VTA1: variants seen among roughly 807,000 people sequenced by gnomAD.
VTA1 encodes vesicle trafficking 1, also known as vacuolar protein sorting-associated protein VTA1 homolog.
In VTA1, 24 loss-of-function variants were observed where a neutral mutation model predicts 36.9. The ratio of observed to expected loss-of-function variants is 0.65; its 90% CI spans 0.47 to 0.91. The LOEUF (loss-of-function observed/expected upper bound fraction) is 0.91, where lower values mean the gene tolerates loss of function less well. Among genes scored for constraint, VTA1 ranks in the 40% least tolerant of loss-of-function variants. The pLI is 0.00. For synonymous variants in VTA1, 142 were observed against 130.2 expected (o/e 1.09, Z -0.62); for missense variants, 393 against 377.2 (o/e 1.04, Z -0.35).
chr6:142,190,987 A>G (rs1006889127), intron 5 of VTA1, among the ~76,000 whole-genome samples: 2 of 152,148 alleles, frequency 1.3e-5, no homozygotes, highest in African/African-American at 2.4e-5. Context: ...AAGATTGCCT[A>G]TTATTGAACC....
At chr6:142,149,967 C>G (rs950361833) in intron 1 of VTA1, among the ~76,000 whole-genome samples, 1 of 151,826 alleles carries the variant, frequency 6.6e-6, no homozygotes, top group African/African-American at 2.4e-5. Context: ...TTTTTTATCT[C>G]TTTGTCTTTC....
chr6:142,183,146 A>AT (rs896203408), intron 4 of VTA1, among the ~76,000 whole-genome samples: 6 of 152,184 alleles, frequency 3.9e-5, no homozygotes, highest in African/African-American at 1.4e-4. Context: ...AAAAATCACA[A>AT]TTACTTTCAC....
intron 1 of VTA1, among the ~76,000 whole-genome samples, chr6:142,156,240 ATGAAAAATTGT>A (rs1314996722): frequency 6.6e-6 from 1 of 152,188 alleles, no homozygotes; most frequent in Non-Finnish European, 1.5e-5. Context: ...AAACGGTTGA[ATGAAAAATTGT>A]TGGTAGTAGC....
At chr6:142,165,210 T>C (rs1774890101) in intron 1 of VTA1, among the ~76,000 whole-genome samples, 2 of 152,096 alleles carry the variant, frequency 1.3e-5, no homozygotes, top group South Asian at 4.2e-4. Context: ...GGAATGTAAG[T>C]TTAATAAGTT....
intron 4 of VTA1, among the ~76,000 whole-genome samples, chr6:142,176,658 G>A (rs910056667): frequency 3.4e-5 from 5 of 148,142 alleles, no homozygotes; most frequent in Non-Finnish European, 7.4e-5. Flanking sequence ...AAATACAAAT[G>A]CAAGTAATAA....
intron 5 of VTA1, among the ~76,000 whole-genome samples, chr6:142,193,486 T>C (rs1775491641): frequency 6.6e-6 from 1 of 152,168 alleles, no homozygotes; most frequent in Admixed American, 6.5e-5. Context: ...TTTATCATTC[T>C]TTTTATTTTA....
chr6:142,198,695 A>G, intron 6 of VTA1, 80 bp downstream of exon 6: 1 of 1,314,110 alleles, frequency 7.6e-7, no homozygotes, highest in Non-Finnish European at 1.0e-6. Flanking sequence ...TATGTGCCTC[A>G]TAATGATGGT....
chr6:142,196,095 A>G (rs1775547312), intron 5 of VTA1, among the ~76,000 whole-genome samples: 2 of 152,148 alleles, frequency 1.3e-5, no homozygotes. Flanking sequence ...TTATTATATT[A>G]GGCACATGTA....
At chr6:142,209,015 A>G (rs1775849430) in intron 7 of VTA1, among the ~76,000 whole-genome samples, 1 of 152,202 alleles carries the variant, frequency 6.6e-6, no homozygotes, top group Non-Finnish European at 1.5e-5. Context: ...TATAGAGAAT[A>G]GAGCAATTAG....
At chr6:142,165,123 C>T (rs751165681) in intron 1 of VTA1, among the ~76,000 whole-genome samples, 2 of 152,142 alleles carry the variant, frequency 1.3e-5, no homozygotes, top group African/African-American at 4.8e-5. Flanking sequence ...TGGAGCTATT[C>T]AGTAAATATC....
At chr6:142,164,766 T>A (rs1169177579) in intron 1 of VTA1, among the ~76,000 whole-genome samples, 1 of 152,148 alleles carries the variant, frequency 6.6e-6, no homozygotes, top group Non-Finnish European at 1.5e-5. Context: ...TAATATATTA[T>A]AATGAATGAT....
chr6:142,157,171 GATA>G lies in VTA1; in HGVS notation c.113-9046_113-9044del, dbSNP rs571424184. Among the ~76,000 whole-genome samples the G allele has an allele frequency of 5.8e-3, 880 of 152,244 alleles. 1 individual carries two copies. The highest frequency in any genetic ancestry group is 0.016 in the East Asian group (82 of 5,172). On this transcript the variant is annotated intron_variant, in intron 1 of 7. Transcript: ENST00000367630. ...GAGCGAGACTCCGTCTCAAAAAAAT[GATA>G]ATAATAATAACTTGCCTCTTACTAT...
At chr6:142,157,977 A>AT (rs1778695954) in intron 1 of VTA1, among the ~76,000 whole-genome samples, 1 of 145,288 alleles carries the variant, frequency 6.9e-6, no homozygotes, top group African/African-American at 2.5e-5. Flanking sequence ...CTTTCAGGAT[A>AT]TTGCTGTTTT....
At chr6:142,155,606 T>C (rs1171579353) in intron 1 of VTA1, among the ~76,000 whole-genome samples, 1 of 152,176 alleles carries the variant, frequency 6.6e-6, no homozygotes, top group Non-Finnish European at 1.5e-5. Context: ...CCCTCATGAT[T>C]TGAGTTCTGA....
At chr6:142,180,291 G>C (rs938218434) in intron 4 of VTA1, among the ~76,000 whole-genome samples, 1 of 152,178 alleles carries the variant, frequency 6.6e-6, no homozygotes, top group East Asian at 1.9e-4. Context: ...ATAGGACCCA[G>C]AAGCCGACTT....
At chr6:142,167,147 G>T (rs77981488) in intron 2 of VTA1, among the ~76,000 whole-genome samples, 4,507 of 152,226 alleles carry the variant, frequency 0.03, 151 homozygotes, top group African/African-American at 0.071. Context: ...AATGTCGTAG[G>T]TGACTAATTA....
intron 7 of VTA1, among the ~76,000 whole-genome samples, chr6:142,214,279 C>G (rs139094923): frequency 1.5e-3 from 231 of 152,316 alleles, no homozygotes; most frequent in Non-Finnish European, 2.5e-3. Flanking sequence ...TGACCTTACT[C>G]TAGTTCCCAA....
chr6:142,198,305 G>C, intron 5 of VTA1, 134 bp from the exon 6 acceptor site: 2 of 699,332 alleles, frequency 2.9e-6, no homozygotes, highest in South Asian at 8.2e-5. Flanking sequence ...TTTAAGAATA[G>C]AGCTTGCTTC....
chr6:142,155,788 C>G (rs1778651217), intron 1 of VTA1, among the ~76,000 whole-genome samples: 1 of 152,156 alleles, frequency 6.6e-6, no homozygotes, highest in Non-Finnish European at 1.5e-5. Context: ...AAGTCACTTT[C>G]TCTGGGAGGC....
Sources: allele counts gnomAD v4.1 joint callset (sites outside exome capture counted in the v4.1 genomes callset), GRCh38; gene constraint gnomAD v4.1.1; transcripts MANE v1.5; gene names NCBI Gene and HGNC (gene_info 2026-07-23, HGNC 2026-07-21).